SHISA9: variants seen among roughly 807,000 people sequenced by gnomAD.
SHISA9 encodes protein shisa-9.
SHISA9 carries 13 observed loss-of-function variants against 38.0 expected under a neutral mutation model. That is an observed-to-expected ratio of 0.34 (90% CI 0.22 to 0.54). The LOEUF is 0.54. SHISA9 is among the 20% of genes least tolerant of loss of function. The pLI, the probability that SHISA9 is intolerant of heterozygous loss-of-function variation, is 0.91. For synonymous variants in SHISA9, 275 were observed against 242.0 expected (o/e 1.14, Z -1.27); for missense variants, 538 against 575.8 (o/e 0.93, Z 0.67).
chr16:13,163,924 T>G (rs973841357), intron 2 of SHISA9, among the ~76,000 whole-genome samples: 1 of 152,052 alleles, frequency 6.6e-6, no homozygotes, highest in Non-Finnish European at 1.5e-5. Flanking sequence ...CATCTGCAAA[T>G]AAACACAGTA....
chr16:13,266,380 C>G, the SHISA9 span, among the ~76,000 whole-genome samples: 1 of 152,062 alleles, frequency 6.6e-6, no homozygotes, highest in African/African-American at 2.4e-5. Flanking sequence ...AAATGCTTTC[C>G]CCAGTCTAGG....
At chr16:13,389,115 G>T in the SHISA9 span, among the ~76,000 whole-genome samples, 1 of 152,122 alleles carries the variant, frequency 6.6e-6, no homozygotes, top group Non-Finnish European at 1.5e-5. Flanking sequence ...CACTTTTGGT[G>T]TTGTACATTC....
intron 4 of SHISA9, among the ~76,000 whole-genome samples, chr16:13,222,072 A>T (rs1489694392): frequency 6.6e-6 from 1 of 152,130 alleles, no homozygotes; most frequent in Non-Finnish European, 1.5e-5. Context: ...CAGGCAAGAG[A>T]GTGTGTGCAG....
chr16:13,056,810 T>C (rs1372429344), intron 2 of SHISA9, among the ~76,000 whole-genome samples: 1 of 152,172 alleles, frequency 6.6e-6, no homozygotes, highest in Non-Finnish European at 1.5e-5. Context: ...CATTAGCTTA[T>C]TAGGGTGGGA....
chr16:13,403,020 A>T, the SHISA9 span, among the ~76,000 whole-genome samples: 1 of 152,114 alleles, frequency 6.6e-6, no homozygotes, highest in Admixed American at 6.5e-5. Flanking sequence ...CAGGAGGCTG[A>T]GGCAGGAGAA....
chr16:13,416,374 C>T, the SHISA9 span, among the ~76,000 whole-genome samples: 1 of 152,292 alleles, frequency 6.6e-6, no homozygotes, highest in African/African-American at 2.4e-5. Context: ...TTACCCCTGA[C>T]CATATAACAC....
chr16:13,001,894 A>G (rs1427075768), intron 2 of SHISA9, among the ~76,000 whole-genome samples: 3 of 152,192 alleles, frequency 2.0e-5, no homozygotes, highest in Non-Finnish European at 4.4e-5. Context: ...TAAATAGGTG[A>G]TAAAAAATGA....
At chr16:13,276,399 TATA>T in the SHISA9 span, among the ~76,000 whole-genome samples, 1 of 152,078 alleles carries the variant, frequency 6.6e-6, no homozygotes, top group African/African-American at 2.4e-5. Context: ...ATCTTTTTCG[TATA>T]ATGACTTCTT....
intron 1 of SHISA9, among the ~76,000 whole-genome samples, chr16:12,914,324 G>A (rs916472345): frequency 3.3e-5 from 5 of 151,954 alleles, no homozygotes; most frequent in South Asian, 2.1e-4. Flanking sequence ...GATTACAGGC[G>A]TGAGCCACCG....
At chr16:13,420,869 T>C in the SHISA9 span, among the ~76,000 whole-genome samples, 1 of 152,174 alleles carries the variant, frequency 6.6e-6, no homozygotes, top group African/African-American at 2.4e-5. Flanking sequence ...ACAAACACTA[T>C]GAAATCCTCT....
chr16:13,074,863 C>T (rs1226946609), intron 2 of SHISA9, among the ~76,000 whole-genome samples: 1 of 151,918 alleles, frequency 6.6e-6, no homozygotes, highest in Non-Finnish European at 1.5e-5. Context: ...GGGGTTTCAC[C>T]AAGTTGGCCA....
intron 2 of SHISA9, among the ~76,000 whole-genome samples, chr16:13,157,696 A>G (rs1471509139): frequency 2.6e-5 from 4 of 152,138 alleles, no homozygotes; most frequent in African/African-American, 9.7e-5. Context: ...GCAGTTCAGC[A>G]TTACCCCTGA....
chr16:13,043,562 T>G (rs2073155903), intron 2 of SHISA9, among the ~76,000 whole-genome samples: 1 of 152,220 alleles, frequency 6.6e-6, no homozygotes, highest in Non-Finnish European at 1.5e-5. Flanking sequence ...CAATTACTTT[T>G]GCACTAACCT....
At chr16:13,106,966 T>TTCTCTCTCTCTCTC (rs56109043) in intron 2 of SHISA9, among the ~76,000 whole-genome samples, 12 of 145,204 alleles carry the variant, frequency 8.3e-5, no homozygotes, top group African/African-American at 3.0e-4. Context: ...CTTTCTCACG[T>TTCTCTCTCTCTCTC]TCTCTCTCTC....
the SHISA9 span, among the ~76,000 whole-genome samples, chr16:13,430,676 T>C: frequency 2.6e-5 from 4 of 151,474 alleles, no homozygotes; most frequent in Non-Finnish European, 4.4e-5. Context: ...GAGTCTAAGG[T>C]AGGAGGATCA....
the SHISA9 span, among the ~76,000 whole-genome samples, chr16:13,254,397 C>T: frequency 1.3e-5 from 2 of 152,300 alleles, no homozygotes; most frequent in South Asian, 4.2e-4. Flanking sequence ...TCCAGCATGA[C>T]CATCAGTTCC....
At chr16:13,016,604 C>T (rs115749490) in intron 2 of SHISA9, among the ~76,000 whole-genome samples, 5 of 152,062 alleles carry the variant, frequency 3.3e-5, no homozygotes, top group African/African-American at 4.8e-5. Context: ...TGTTTTTTGC[C>T]GTTTTTGTTT....
intron 2 of SHISA9, among the ~76,000 whole-genome samples, chr16:13,116,176 T>C (rs1216676906): frequency 6.6e-6 from 1 of 152,184 alleles, no homozygotes; most frequent in African/African-American, 2.4e-5. Flanking sequence ...AATGTGCACA[T>C]AAGCTGATGC....
intron 2 of SHISA9, among the ~76,000 whole-genome samples, chr16:13,192,348 T>A (rs1380024646): frequency 6.6e-6 from 1 of 151,992 alleles, no homozygotes; most frequent in Non-Finnish European, 1.5e-5. Flanking sequence ...ATGTAACAAA[T>A]ATGCACAAAT....
Sources: allele counts gnomAD v4.1 joint callset (sites outside exome capture counted in the v4.1 genomes callset), GRCh38; gene constraint gnomAD v4.1.1; transcripts MANE v1.5; gene names NCBI Gene and HGNC (gene_info 2026-07-23, HGNC 2026-07-21).